Variants in PLD5 observed in about 807,000 individuals in gnomAD.
PLD5 encodes phospholipase D family member 5, also known as inactive phospholipase D5.
In PLD5, 36 loss-of-function variants were observed where a neutral mutation model predicts 61.1. The observed-to-expected ratio is 0.59, with a 90% confidence interval of 0.45 to 0.78. The LOEUF is 0.78. Ranked by LOEUF, PLD5 falls within the 30% of genes least tolerant of loss-of-function variation. PLD5 has a pLI of 0.00. For missense variants in PLD5, 515 were observed against 644.4 expected (o/e 0.80, Z 2.17); for synonymous variants, 243 against 242.8 (o/e 1.00, Z -0.01).
chr1:242,228,088 C>T (rs1671067686), intron 4 of PLD5, among the ~76,000 whole-genome samples: 1 of 152,144 alleles, frequency 6.6e-6, no homozygotes, highest in African/African-American at 2.4e-5. Context: ...AGAGGTTTAA[C>T]AATGGCGTGT....
chr1:242,212,850 T>C (rs1399536278), intron 5 of PLD5, among the ~76,000 whole-genome samples: 3 of 152,250 alleles, frequency 2.0e-5, no homozygotes, highest in African/African-American at 7.2e-5. Flanking sequence ...GCCACCGTTA[T>C]CTCTCTCCTA....
At chr1:242,306,931 C>A (rs1676401188) in intron 2 of PLD5, among the ~76,000 whole-genome samples, 1 of 152,268 alleles carries the variant, frequency 6.6e-6, no homozygotes, top group South Asian at 2.1e-4. Flanking sequence ...TACTAAGCTT[C>A]CTGGAGAAGG....
At position 242,256,875 on chromosome 1, in the gene PLD5, CTTTT is replaced by C. The variant is rs900666334; in HGVS notation, c.607+8458_607+8461del. On this transcript the variant is annotated intron_variant, in intron 4 of 9. Coordinates refer to ENST00000536534, the MANE Select transcript of PLD5 (RefSeq NM_001372062.1). The surrounding 1 kb of genome is among the most constrained non-coding windows in gnomAD (Gnocchi z 5.7). ...TGCCATCTATCTTCCTATCTTCTTT[CTTTT>C]CTCTCCCTCTTCTTTCTCTTTCTTT... is the stretch of plus-strand genomic sequence containing the variant. Among the ~76,000 whole-genome samples the C allele has an allele frequency of 4.0e-5, 6 of 150,474 alleles. No homozygotes were observed. Among genetic ancestry groups the C allele is most frequent in the Non-Finnish European group, 8.9e-5 (6 of 67,682 alleles).
At chr1:242,362,628 C>A (rs545911982) in intron 1 of PLD5, among the ~76,000 whole-genome samples, 1 of 152,254 alleles carries the variant, frequency 6.6e-6, no homozygotes, top group Non-Finnish European at 1.5e-5. Context: ...GTAATCTCAT[C>A]TGGTGACTTA....
chr1:242,420,815 G>A (rs1353947437), intron 1 of PLD5, among the ~76,000 whole-genome samples: 4 of 152,090 alleles, frequency 2.6e-5, no homozygotes, highest in African/African-American at 4.8e-5. Flanking sequence ...AAAGTTCTTA[G>A]CATTCTAGTC....
intron 4 of PLD5, among the ~76,000 whole-genome samples, chr1:242,239,769 G>A (rs1671875397): frequency 1.3e-5 from 2 of 152,284 alleles, no homozygotes; most frequent in South Asian, 4.1e-4. Flanking sequence ...CGTAAAAAAG[G>A]AAACAATAAT....
chr1:242,133,728 A>T (rs186508516), intron 5 of PLD5, among the ~76,000 whole-genome samples: 39 of 152,306 alleles, frequency 2.6e-4, no homozygotes, highest in African/African-American at 7.2e-4. Flanking sequence ...TTTGAATTCT[A>T]GCTAGAAGGA....
intron 5 of PLD5, among the ~76,000 whole-genome samples, chr1:242,206,996 T>C (rs316859): frequency 0.84 from 128,133 of 152,226 alleles, 54,174 homozygotes; most frequent in South Asian, 0.94. Context: ...AGGGTTTCTA[T>C]ATGTTGCAGT....
At chr1:242,103,752 G>A (rs578060977) in intron 8 of PLD5, among the ~76,000 whole-genome samples, 1 of 152,278 alleles carries the variant, frequency 6.6e-6, no homozygotes, top group South Asian at 2.1e-4. Context: ...CAGATCTGTG[G>A]TAGTAATCAC....
chr1:242,414,721 A>G (rs1479265094), intron 1 of PLD5, among the ~76,000 whole-genome samples: 2 of 152,236 alleles, frequency 1.3e-5, no homozygotes, highest in Non-Finnish European at 2.9e-5. Flanking sequence ...AACGTGGGAG[A>G]ATTTTCTCAC....
Position 242,089,759 on chromosome 1 carries a change from TAAAA to T in PLD5, c.*91_*94del. 1 of 1,488,802 alleles carries T rather than the reference TAAAA, an allele frequency of 6.7e-7. No homozygotes were observed. The allele number at this position is 1,488,802 out of a possible 1,614,324, so 92.2% of individuals were successfully genotyped here. ...ATTTTTTATAAGTGTGCTTTTTCCCTAAAAAAAGAGACATATTAAAGTGTTTTTT... is the reference window on the plus strand; with the variant it reads ...ATTTTTTATAAGTGTGCTTTTTCCCTAAAGAGACATATTAAAGTGTTTTTT... On this transcript the variant is annotated 3_prime_UTR_variant, in exon 10 of 10. Transcript: ENST00000536534.
rs61106190 is a variant in PLD5, at chr1:242,271,349, T to TA, written c.496-5902dup. On this transcript the variant is annotated intron_variant, in intron 3 of 9. Coordinates refer to ENST00000536534, the MANE Select transcript of PLD5 (RefSeq NM_001372062.1). ...ATTAGGTTTGCAAATAATACCAAAA[T>TA]AAAAAAAAAATGATCCAAGTTGAGG... Among the ~76,000 whole-genome samples, 938 of 145,842 alleles carry TA rather than the reference T, an allele frequency of 6.4e-3. 11 individuals are homozygous for TA. Among genetic ancestry groups the TA allele is most frequent in the African/African-American group, 0.023 (889 of 39,040 alleles).
chr1:242,219,608 CA>C, intron 5 of PLD5, among the ~76,000 whole-genome samples: 1 of 152,118 alleles, frequency 6.6e-6, no homozygotes, highest in East Asian at 1.9e-4. Context: ...AGAAATAACC[CA>C]AATGATTACT....
intron 5 of PLD5, among the ~76,000 whole-genome samples, chr1:242,186,565 G>A (rs1340901392): frequency 1.3e-5 from 2 of 151,798 alleles, no homozygotes; most frequent in Non-Finnish European, 2.9e-5. Context: ...GTTGAGAAAT[G>A]AGAAACTATG....
At chr1:242,320,885 T>C (rs1027770447) in intron 2 of PLD5, among the ~76,000 whole-genome samples, 11 of 152,044 alleles carry the variant, frequency 7.2e-5, no homozygotes, top group African/African-American at 2.7e-4. Flanking sequence ...GATTCTAACA[T>C]GCAGCTAACT....
intron 3 of PLD5, among the ~76,000 whole-genome samples, chr1:242,275,388 C>G (rs1328044522): frequency 6.6e-5 from 10 of 151,914 alleles, no homozygotes; most frequent in Admixed American, 6.6e-4. Context: ...TATTTACTTA[C>G]TTATATCTTA....
intron 1 of PLD5, among the ~76,000 whole-genome samples, chr1:242,431,419 CACATGATAGATTTAATT>C (rs1665713505): frequency 6.6e-6 from 1 of 152,200 alleles, no homozygotes; most frequent in Non-Finnish European, 1.5e-5. Context: ...GAATCGGTTC[CACATGATAGATTTAATT>C]ACTATCATCC....
intron 1 of PLD5, among the ~76,000 whole-genome samples, chr1:242,483,370 G>A (rs373927966): frequency 6.6e-6 from 1 of 151,990 alleles, no homozygotes; most frequent in South Asian, 2.1e-4. Flanking sequence ...GAAGATCTAC[G>A]AAGCAAATGG....
At chr1:242,419,571 C>CTTT (rs1558550692) in intron 1 of PLD5, among the ~76,000 whole-genome samples, 80 of 39,322 alleles carry the variant, frequency 2.0e-3, no homozygotes, top group African/African-American at 0.014. Context: ...AAATTTTTTG[C>CTTT]ATTTTTTTTT....
Sources: allele counts gnomAD v4.1 joint callset (sites outside exome capture counted in the v4.1 genomes callset), GRCh38; gene constraint gnomAD v4.1.1; non-coding constraint Gnocchi (gnomAD v3.1); transcripts MANE v1.5; gene names NCBI Gene and HGNC (gene_info 2026-07-23, HGNC 2026-07-21).